DLGAP2: variants seen among roughly 807,000 people sequenced by gnomAD.
DLGAP2 encodes disks large-associated protein 2.
In DLGAP2, 26 loss-of-function variants were observed where a neutral mutation model predicts 100.3. That is an observed-to-expected ratio of 0.26 (90% CI 0.19 to 0.36). The LOEUF is 0.36. Among genes scored for constraint, DLGAP2 ranks in the 10% least tolerant of loss-of-function variants. The pLI is 1.00. For synonymous variants in DLGAP2, 886 were observed against 630.1 expected, an observed-to-expected ratio of 1.41 and a Z score of -6.08; for missense variants, 1,858 against 1,453.2, an observed-to-expected ratio of 1.28 and a Z score of -4.53.
At chr8:1,107,091 G>T (rs1408237200) in intron 2 of DLGAP2, among the ~76,000 whole-genome samples, 2 of 152,190 alleles carry the variant, frequency 1.3e-5, no homozygotes, top group Non-Finnish European at 2.9e-5. Flanking sequence ...ACTTTTGTGT[G>T]AGTTGCTCAC....
chr8:793,096 C>T (rs1289612075), intron 1 of DLGAP2, among the ~76,000 whole-genome samples: 6 of 152,184 alleles, frequency 3.9e-5, no homozygotes, highest in East Asian at 1.9e-4. Flanking sequence ...TTCTTCTTGC[C>T]GCTGGCTCTT....
chr8:1,536,340 C>G (rs931400793), intron 4 of DLGAP2, among the ~76,000 whole-genome samples: 1 of 152,048 alleles, frequency 6.6e-6, no homozygotes, highest in Non-Finnish European at 1.5e-5. Flanking sequence ...AGCACCATGC[C>G]GACGACCATG....
intron 2 of DLGAP2, among the ~76,000 whole-genome samples, chr8:933,513 C>G (rs1432284695): frequency 9.4e-6 from 1 of 106,814 alleles, no homozygotes; most frequent in African/African-American, 3.7e-5. Flanking sequence ...AGGGCAGAGC[C>G]TGCTGTGGAG....
chr8:831,928 C>G (rs1321587290), intron 1 of DLGAP2, among the ~76,000 whole-genome samples: 1 of 152,082 alleles, frequency 6.6e-6, no homozygotes, highest in Non-Finnish European at 1.5e-5. Context: ...GAGATGGTAT[C>G]TCATTGTGAT....
intron 4 of DLGAP2, among the ~76,000 whole-genome samples, chr8:1,547,652 C>G (rs147777417): frequency 2.7e-4 from 41 of 152,310 alleles, no homozygotes; most frequent in African/African-American, 9.6e-4. Context: ...GAGGAGAGAG[C>G]AAGCGACCTG....
At chr8:1,537,844 C>G (rs1340022496) in intron 4 of DLGAP2, among the ~76,000 whole-genome samples, 1 of 152,076 alleles carries the variant, frequency 6.6e-6, no homozygotes, top group East Asian at 1.9e-4. Flanking sequence ...AGATAAAATT[C>G]TAATATTCAG....
chr8:1,105,171 T>A (rs144600496), intron 2 of DLGAP2: 34 of 152,364 alleles, frequency 2.2e-4, no homozygotes, highest in African/African-American at 7.9e-4. Flanking sequence ...TGATGATGTG[T>A]CATTGATTTA....
chr8:1,133,406 AG>A (rs1388061118), intron 2 of DLGAP2, among the ~76,000 whole-genome samples: 1 of 152,200 alleles, frequency 6.6e-6, no homozygotes, highest in Non-Finnish European at 1.5e-5. Context: ...GATCATTAAT[AG>A]GAGTCATGAG....
At chr8:1,682,402 C>A (rs548455324) in intron 12 of DLGAP2, among the ~76,000 whole-genome samples, 3 of 152,238 alleles carry the variant, frequency 2.0e-5, no homozygotes, top group African/African-American at 7.2e-5. Context: ...CATAAAAATA[C>A]TACATACAAA....
At chr8:1,537,695 A>G (rs1172376659) in intron 4 of DLGAP2, among the ~76,000 whole-genome samples, 1 of 151,690 alleles carries the variant, frequency 6.6e-6, no homozygotes, top group Non-Finnish European at 1.5e-5. Context: ...GGATGGAAGG[A>G]TAGATGGAAG....
At chr8:969,321 C>T (rs901308802) in intron 2 of DLGAP2, among the ~76,000 whole-genome samples, 3 of 152,182 alleles carry the variant, frequency 2.0e-5, no homozygotes, top group Non-Finnish European at 4.4e-5. Context: ...CCGACACACT[C>T]TGCAGATCTT....
chr8:1,316,098 C>G (rs551267487), intron 3 of DLGAP2, among the ~76,000 whole-genome samples: 2 of 134,066 alleles, frequency 1.5e-5, no homozygotes, highest in South Asian at 2.7e-4. Flanking sequence ...GGTCTACACT[C>G]GAGACACTCG....
intron 2 of DLGAP2, among the ~76,000 whole-genome samples, chr8:1,258,570 C>T (rs1799277636): frequency 1.3e-5 from 2 of 152,052 alleles, no homozygotes; most frequent in African/African-American, 2.4e-5. Context: ...GCACGTTCTG[C>T]ACATGTATCC....
At chr8:1,061,221 A>G (rs1343612058) in intron 2 of DLGAP2, among the ~76,000 whole-genome samples, 1 of 151,968 alleles carries the variant, frequency 6.6e-6, no homozygotes, top group Non-Finnish European at 1.5e-5. Context: ...TCCCTCGTGA[A>G]CTCTTTGGGT....
At chr8:1,342,797 C>A (rs751654162) in intron 3 of DLGAP2, among the ~76,000 whole-genome samples, 13 of 152,126 alleles carry the variant, frequency 8.5e-5, no homozygotes, top group Admixed American at 6.5e-4. Context: ...TCATGTGGTG[C>A]CTATTTGTCA....
chr8:882,418 CGCACCCTCGCCTGAT>C (rs1563077618), intron 1 of DLGAP2, among the ~76,000 whole-genome samples: 17 of 106,082 alleles, frequency 1.6e-4, no homozygotes, highest in South Asian at 3.7e-4. Context: ...CTCTCCTGCG[CGCACCCTCGCCTGAT>C]CCAGCGGTAC....
At chr8:1,428,521 G>A (rs1002905675) in intron 3 of DLGAP2, among the ~76,000 whole-genome samples, 5 of 152,134 alleles carry the variant, frequency 3.3e-5, no homozygotes, top group African/African-American at 1.2e-4. Flanking sequence ...AACAAAACAG[G>A]CCAAGGACAG....
chr8:1,057,604 A>G (rs2129034308), intron 2 of DLGAP2, among the ~76,000 whole-genome samples: 1 of 152,374 alleles, frequency 6.6e-6, no homozygotes, highest in South Asian at 2.1e-4. Context: ...CCTCTATTCT[A>G]AACACCGACA....
At chr8:1,508,221 GC>G (rs1800001970) in intron 4 of DLGAP2, among the ~76,000 whole-genome samples, 2 of 150,568 alleles carry the variant, frequency 1.3e-5, no homozygotes, top group South Asian at 4.2e-4. Context: ...TAAACATCAC[GC>G]GTCCCATTCT....
Sources: allele counts gnomAD v4.1 joint callset (sites outside exome capture counted in the v4.1 genomes callset), GRCh38; gene constraint gnomAD v4.1.1; transcripts MANE v1.5; gene names NCBI Gene and HGNC (gene_info 2026-07-23, HGNC 2026-07-21).